The following NFILZ variants were observed in gnomAD, a reference collection of about 807,000 sequenced individuals.
NFILZ encodes NFIL3 like protein.
intron 3 of NFILZ, among the ~76,000 whole-genome samples, chr19:8,667,768 A>T (rs1364751760): frequency 2.0e-5 from 3 of 150,902 alleles, no homozygotes; most frequent in Admixed American, 6.6e-5. Context: ...CTGGTCTCGA[A>T]CTCCTGACCT....
At chr19:8,674,863 G>T (rs1555750586) in intron 4 of NFILZ, among the ~76,000 whole-genome samples, 1 of 152,120 alleles carries the variant, frequency 6.6e-6, no homozygotes, top group Non-Finnish European at 1.5e-5. Context: ...GAATGTTGGG[G>T]AAGAAAAACC....
chr19:8,657,342 T>C (rs1323383076), intron 3 of NFILZ, among the ~76,000 whole-genome samples: 1 of 151,876 alleles, frequency 6.6e-6, no homozygotes, highest in Non-Finnish European at 1.5e-5. Flanking sequence ...GACCTCGTGA[T>C]CCACCCGTCT....
chr19:8,670,665 A>G (rs1013712997), intron 3 of NFILZ, among the ~76,000 whole-genome samples: 40 of 152,168 alleles, frequency 2.6e-4, no homozygotes, highest in Admixed American at 1.0e-3. Flanking sequence ...AGAATCCTGC[A>G]AGGCTTTTAC....
chr19:8,661,649 T>C (rs1016662952), intron 3 of NFILZ, among the ~76,000 whole-genome samples: 2 of 152,218 alleles, frequency 1.3e-5, no homozygotes, highest in East Asian at 1.9e-4. Context: ...CCCAACACTT[T>C]GGGAGTCCGA....
chr19:8,637,848 A>C (rs2042901432), intron 3 of NFILZ, among the ~76,000 whole-genome samples: 2 of 130,330 alleles, frequency 1.5e-5, no homozygotes, highest in Admixed American at 1.9e-4. Flanking sequence ...CGGAGATTGC[A>C]GTGAGCTGAG....
intron 3 of NFILZ, among the ~76,000 whole-genome samples, chr19:8,664,277 A>G (rs536306312): frequency 1.1e-4 from 16 of 152,284 alleles, no homozygotes; most frequent in Admixed American, 9.1e-4. Flanking sequence ...GAGGCTCAGG[A>G]AAGAGGAGTC....
chr19:8,664,488 G>C (rs1371512218), intron 3 of NFILZ, among the ~76,000 whole-genome samples: 1 of 152,150 alleles, frequency 6.6e-6, no homozygotes, highest in African/African-American at 2.4e-5. Context: ...CCGGGGGAGG[G>C]GGAGGGCGGG....
At chr19:8,631,110 A>C (rs2042867677) in intron 1 of NFILZ, among the ~76,000 whole-genome samples, 1 of 152,074 alleles carries the variant, frequency 6.6e-6, no homozygotes, top group African/African-American at 2.4e-5. Flanking sequence ...CCTCTGTAGC[A>C]TTTTGGGGTA....
chr19:8,651,925 C>G (rs1192852508), intron 3 of NFILZ, among the ~76,000 whole-genome samples: 1 of 152,126 alleles, frequency 6.6e-6, no homozygotes, highest in Non-Finnish European at 1.5e-5. Flanking sequence ...CAACTATCTA[C>G]TTTCATTTGG....
intron 3 of NFILZ, among the ~76,000 whole-genome samples, chr19:8,643,229 C>T (rs535918880): frequency 6.7e-4 from 102 of 152,324 alleles, no homozygotes; most frequent in Middle Eastern, 6.8e-3. Flanking sequence ...GGATCACAGG[C>T]GTGAGCCATC....
chr19:8,631,899 C>T (rs1195413082), intron 1 of NFILZ, among the ~76,000 whole-genome samples: 4 of 149,178 alleles, frequency 2.7e-5, no homozygotes, highest in Admixed American at 1.3e-4. Context: ...GATGGGGTTT[C>T]GCTCTTGTTG....
chr19:8,647,208 C>G lies in NFILZ; in HGVS notation c.-164+11462C>G, dbSNP rs11667780. On this transcript the variant is annotated intron_variant, in intron 3 of 5. Transcript: ENST00000691075. ...CAAAGACATGGAATCAGCCCAAATGCCCATCAATGATAGACTGGATAAAGA... is the reference window on the plus strand; with the variant it reads ...CAAAGACATGGAATCAGCCCAAATGGCCATCAATGATAGACTGGATAAAGA... Among the ~76,000 whole-genome samples the G allele has an allele frequency of 2.8e-3, 420 of 152,192 alleles. 2 individuals are homozygous for G. The highest frequency in any genetic ancestry group is 4.8e-3 in the Non-Finnish European group (326 of 68,002).
chr19:8,657,104 C>T (rs1474260426), intron 3 of NFILZ, among the ~76,000 whole-genome samples: 3 of 149,506 alleles, frequency 2.0e-5, no homozygotes, highest in South Asian at 2.1e-4. Flanking sequence ...TGGAGGGGGG[C>T]GGTTTTCGCT....
chr19:8,644,440 C>T (rs573545251), intron 3 of NFILZ, among the ~76,000 whole-genome samples: 3 of 151,990 alleles, frequency 2.0e-5, no homozygotes, highest in East Asian at 1.9e-4. Flanking sequence ...TCATTTCCAG[C>T]GGAGGTCAGT....
At chr19:8,631,657 G>T (rs1198745943) in intron 1 of NFILZ, among the ~76,000 whole-genome samples, 5 of 152,138 alleles carry the variant, frequency 3.3e-5, no homozygotes, top group African/African-American at 1.2e-4. Flanking sequence ...TGCTGGCCTG[G>T]CTTCCCCTAC....
chr19:8,662,575 G>T (rs1433719966), intron 3 of NFILZ, among the ~76,000 whole-genome samples: 2 of 152,018 alleles, frequency 1.3e-5, no homozygotes, highest in Non-Finnish European at 2.9e-5. Flanking sequence ...GTCCAGTTAC[G>T]TGAGGAGAAG....
intron 3 of NFILZ, among the ~76,000 whole-genome samples, chr19:8,639,672 G>C (rs1217970608): frequency 6.6e-6 from 1 of 152,016 alleles, no homozygotes; most frequent in East Asian, 1.9e-4. Context: ...TGTCCTCTCT[G>C]GCTGCTGGGT....
intron 3 of NFILZ, among the ~76,000 whole-genome samples, chr19:8,648,213 G>T (rs1161467084): frequency 6.7e-6 from 1 of 150,128 alleles, no homozygotes; most frequent in East Asian, 1.9e-4. Flanking sequence ...AGGGAATGCC[G>T]GGCTTAATAC....
At chr19:8,657,341 A>C (rs1236831113) in intron 3 of NFILZ, among the ~76,000 whole-genome samples, 1 of 151,118 alleles carries the variant, frequency 6.6e-6, no homozygotes, top group Non-Finnish European at 1.5e-5. Context: ...TGACCTCGTG[A>C]TCCACCCGTC....
Sources: allele counts gnomAD v4.1 joint callset (sites outside exome capture counted in the v4.1 genomes callset), GRCh38; gene constraint gnomAD v4.1.1; transcripts MANE v1.5; gene names NCBI Gene and HGNC (gene_info 2026-07-23, HGNC 2026-07-21).